CSMD1: variants seen among roughly 807,000 people sequenced by gnomAD.
CSMD1 encodes CUB and Sushi multiple domains 1, also known as CUB and sushi domain-containing protein 1.
CSMD1 carries 213 observed loss-of-function variants against 417.5 expected under a neutral mutation model. That is an observed-to-expected ratio of 0.51 (90% CI 0.46 to 0.57). CSMD1 has a LOEUF of 0.57. Among genes scored for constraint, CSMD1 ranks in the 20% least tolerant of loss-of-function variants. CSMD1 has a pLI of 0.00. For missense variants in CSMD1, 6,923 were observed against 4,529.7 expected (o/e 1.53, Z -15.17); for synonymous variants, 2,862 against 1,736.8 (o/e 1.65, Z -16.11).
intron 18 of CSMD1, among the ~76,000 whole-genome samples, chr8:3,376,530 A>G (rs915641937): frequency 1.3e-5 from 2 of 152,086 alleles, no homozygotes; most frequent in African/African-American, 2.4e-5. Context: ...TTCTCCGTGA[A>G]AAATGTGCAG....
chr8:4,901,343 G>A (rs1804857547), intron 1 of CSMD1, among the ~76,000 whole-genome samples: 1 of 152,130 alleles, frequency 6.6e-6, no homozygotes, highest in South Asian at 2.1e-4. Flanking sequence ...AGGTATAATG[G>A]TATTAGAAGT....
chr8:3,102,508 T>C (rs143943151), intron 46 of CSMD1, among the ~76,000 whole-genome samples: 1 of 152,022 alleles, frequency 6.6e-6, no homozygotes, highest in African/African-American at 2.4e-5. Context: ...CTGTGACAAA[T>C]GAGGAAATTT....
intron 2 of CSMD1, among the ~76,000 whole-genome samples, chr8:4,512,894 G>A (rs1287165995): frequency 6.6e-6 from 1 of 151,708 alleles, no homozygotes; most frequent in Non-Finnish European, 1.5e-5. Context: ...AGTGAAAGAA[G>A]TTAATTTGAA....
At chr8:4,240,851 G>A (rs1400412630) in intron 3 of CSMD1, among the ~76,000 whole-genome samples, 1 of 152,142 alleles carries the variant, frequency 6.6e-6, no homozygotes, top group Non-Finnish European at 1.5e-5. Context: ...GCATGGGGTA[G>A]CATTTTTTAA....
chr8:3,680,252 G>C (rs1442095788), intron 7 of CSMD1, among the ~76,000 whole-genome samples: 2 of 152,050 alleles, frequency 1.3e-5, no homozygotes, highest in East Asian at 1.9e-4. Flanking sequence ...CCAGGAGCTG[G>C]TTTTTTGAAA....
chr8:4,161,610 A>C (rs550982715), intron 3 of CSMD1, among the ~76,000 whole-genome samples: 58 of 152,310 alleles, frequency 3.8e-4, no homozygotes, highest in Non-Finnish European at 4.6e-4. Context: ...ACCTGTTAAA[A>C]ATCTAAATTT....
At chr8:3,664,804 T>G (rs76394878) in intron 7 of CSMD1, among the ~76,000 whole-genome samples, 1,879 of 152,284 alleles carry the variant, frequency 0.012, 43 homozygotes, top group African/African-American at 0.043. Context: ...CACAAAGCTA[T>G]CAAGAGAGTC....
At chr8:3,556,365 C>T (rs1287160355) in intron 10 of CSMD1, among the ~76,000 whole-genome samples, 1 of 110,906 alleles carries the variant, frequency 9.0e-6, no homozygotes, top group Admixed American at 9.4e-5. Flanking sequence ...TATCTACCCA[C>T]AAAGATTTTT....
At chr8:4,186,834 G>GAAAA (rs11406651) in intron 3 of CSMD1, among the ~76,000 whole-genome samples, 120 of 145,102 alleles carry the variant, frequency 8.3e-4, no homozygotes, top group African/African-American at 2.6e-3. Context: ...TAAAAATACA[G>GAAAA]AAAAAAAAAA....
chr8:4,470,617 T>C (rs1800473200), intron 2 of CSMD1, among the ~76,000 whole-genome samples: 1 of 152,190 alleles, frequency 6.6e-6, no homozygotes, highest in East Asian at 1.9e-4. Context: ...AGCTCATAAA[T>C]GGCTTTCCTG....
chr8:4,065,397 A>G (rs1368181117), intron 3 of CSMD1, among the ~76,000 whole-genome samples: 1 of 152,146 alleles, frequency 6.6e-6, no homozygotes, highest in Non-Finnish European at 1.5e-5. Flanking sequence ...AGTCTTAAAA[A>G]TTTTTCATTT....
intron 3 of CSMD1, among the ~76,000 whole-genome samples, chr8:4,283,981 G>A (rs532794163): frequency 5.9e-5 from 9 of 151,894 alleles, no homozygotes; most frequent in South Asian, 2.1e-4. Context: ...ACTTGTAATC[G>A]TAGCACTTTG....
chr8:4,011,475 G>C (rs1585128642), intron 4 of CSMD1, among the ~76,000 whole-genome samples: 1 of 152,050 alleles, frequency 6.6e-6, no homozygotes, highest in Non-Finnish European at 1.5e-5. Context: ...CTTTAACCTT[G>C]TTACATCCTC....
intron 36 of CSMD1, among the ~76,000 whole-genome samples, chr8:3,186,034 T>A (rs2129049387): frequency 6.6e-6 from 1 of 150,570 alleles, no homozygotes; most frequent in Admixed American, 6.6e-5. Flanking sequence ...TTCTCTTACA[T>A]CTTAAAAAAA....
At chr8:3,767,010 T>A (rs1016455124) in intron 5 of CSMD1, among the ~76,000 whole-genome samples, 2 of 152,186 alleles carry the variant, frequency 1.3e-5, no homozygotes, top group Admixed American at 1.3e-4. Flanking sequence ...CCTCAACATC[T>A]GAGATCATAT....
intron 3 of CSMD1, among the ~76,000 whole-genome samples, chr8:4,230,803 T>TCAG: frequency 6.6e-6 from 1 of 152,290 alleles, no homozygotes; most frequent in South Asian, 2.1e-4. Context: ...CTCTCATACT[T>TCAG]CAGCAGCTTT....
At chr8:4,752,942 C>T (rs1325673234) in intron 1 of CSMD1, among the ~76,000 whole-genome samples, 1 of 152,152 alleles carries the variant, frequency 6.6e-6, no homozygotes, top group Non-Finnish European at 1.5e-5. Context: ...CGTGATGATG[C>T]TCACAGCAGA....
At chr8:2,952,584 G>C (rs1802709792) in intron 65 of CSMD1, among the ~76,000 whole-genome samples, 1 of 152,140 alleles carries the variant, frequency 6.6e-6, no homozygotes, top group Non-Finnish European at 1.5e-5. Flanking sequence ...AGACACATCT[G>C]CTTAGCCACT....
At chr8:3,950,065 G>C (rs956077218) in intron 5 of CSMD1, 1 of 444,720 alleles carries the variant, frequency 2.2e-6, no homozygotes, top group Admixed American at 2.5e-5. Flanking sequence ...GGACTGAGTT[G>C]CCAGAAAATA....
Sources: gnomAD v4.1 joint callset for allele counts (sites outside exome capture counted in the v4.1 genomes callset) on GRCh38, gnomAD v4.1.1 for gene constraint, MANE v1.5 for transcripts, NCBI Gene and HGNC (gene_info 2026-07-23, HGNC 2026-07-21) for gene names.